The following ATP6V0A4 variants were observed in gnomAD, a reference collection of about 807,000 sequenced individuals.
ATP6V0A4 encodes ATPase H+ transporting V0 subunit a4.
ATP6V0A4 carries 86 observed loss-of-function variants against 107.3 expected under a neutral mutation model. That is an observed-to-expected ratio of 0.80 (90% CI 0.67 to 0.96). ATP6V0A4 has a LOEUF of 0.96. Ranked by LOEUF, ATP6V0A4 falls within the 40% of genes least tolerant of loss-of-function variation. The probability of loss-of-function intolerance (pLI) is 0.00; values close to 1 mark genes in which losing one functional copy is unlikely to be tolerated. For missense variants in ATP6V0A4, 908 were observed against 1,045.6 expected (o/e 0.87, Z 1.81); for synonymous variants, 353 against 381.4 (o/e 0.93, Z 0.87).
chr7:138,739,099 T>C (rs1478799327), intron 15 of ATP6V0A4, among the ~76,000 whole-genome samples: 1 of 152,204 alleles, frequency 6.6e-6, no homozygotes, highest in African/African-American at 2.4e-5. Flanking sequence ...TTAAAAAGCG[T>C]CAATTCTATG....
intron 2 of ATP6V0A4, among the ~76,000 whole-genome samples, chr7:138,772,578 C>T (rs1268456597): frequency 6.6e-6 from 1 of 152,158 alleles, no homozygotes; most frequent in African/African-American, 2.4e-5. Flanking sequence ...ACTCACACTC[C>T]TGAAAGGGGA....
intron 13 of ATP6V0A4, among the ~76,000 whole-genome samples, chr7:138,746,381 C>A (rs1314840227): frequency 6.6e-6 from 1 of 152,014 alleles, no homozygotes; most frequent in Non-Finnish European, 1.5e-5. Flanking sequence ...AAATGTTTAC[C>A]ATACAAAATC....
At chr7:138,737,950 C>T (rs1805431804) in intron 15 of ATP6V0A4, among the ~76,000 whole-genome samples, 2 of 151,758 alleles carry the variant, frequency 1.3e-5, no homozygotes, top group Admixed American at 1.3e-4. Flanking sequence ...TTAGTGGAGA[C>T]AAGGTTTCAC....
rs1380088566 is a variant in ATP6V0A4, at chr7:138,755,707, C to T, written c.798G>A (p.Arg266=). 1 of 1,613,942 alleles carries T rather than the reference C, an allele frequency of 6.2e-7. No homozygotes were observed. The highest frequency in any genetic ancestry group is 8.5e-7 in the Non-Finnish European group (1 of 1,180,036). Residue 266 remains arginine, a synonymous_variant, in exon 10 of 22, where the codon AGG becomes AGA. Transcript: ENST00000310018. Reference sequence around the variant, plus strand: ...CACTCACGGTGATTAAATCTTCCAGCCTCACATTGACGCTCTCCAACATCT... The same window carrying T: ...CACTCACGGTGATTAAATCTTCCAGTCTCACATTGACGCTCTCCAACATCT... The part of the protein sequence containing the change: ...RREMLESVNV[R]LEDLITVITQ...
intron 20 of ATP6V0A4, among the ~76,000 whole-genome samples, chr7:138,711,783 C>A (rs189976629): frequency 3.9e-5 from 6 of 152,234 alleles, no homozygotes; most frequent in African/African-American, 9.6e-5. Flanking sequence ...AACTCACATA[C>A]GCAGACTTTC....
intron 2 of ATP6V0A4, among the ~76,000 whole-genome samples, chr7:138,774,853 A>G (rs973675732): frequency 3.3e-4 from 50 of 152,236 alleles, no homozygotes; most frequent in Admixed American, 1.2e-3. Flanking sequence ...GAAATGCCCA[A>G]TGGCTGAAAT....
chr7:138,783,849 T>C (rs1013060564), intron 2 of ATP6V0A4, among the ~76,000 whole-genome samples: 1 of 152,202 alleles, frequency 6.6e-6, no homozygotes, highest in Non-Finnish European at 1.5e-5. Context: ...TGAGCTCAAT[T>C]TTTTTATGTG....
intron 19 of ATP6V0A4, among the ~76,000 whole-genome samples, chr7:138,717,715 C>T (rs2117198152): frequency 6.6e-6 from 1 of 151,988 alleles, no homozygotes; most frequent in South Asian, 2.1e-4. Context: ...TGAGACCAGC[C>T]TGGCCAACAT....
At position 138,754,316 on chromosome 7, in the gene ATP6V0A4, C is replaced by T. The variant is rs535647136; in HGVS notation, c.816+1373G>A. On this transcript the variant is annotated intron_variant, in intron 10 of 21. Coordinates refer to ENST00000310018, the MANE Select transcript of ATP6V0A4 (RefSeq NM_020632.3). ...ATACAAAATTAGCCAGGCATGGTGG[C>T]GCATGCCTGTAATCCCAGCTACTCG... Among the ~76,000 whole-genome samples, 81 of 151,820 alleles carry T rather than the reference C, an allele frequency of 5.3e-4. 2 individuals are homozygous for T. The highest frequency in any genetic ancestry group is 4.9e-3 in the Admixed American group (74 of 15,242).
intron 21 of ATP6V0A4, among the ~76,000 whole-genome samples, chr7:138,706,943 G>GA (rs1803403181): frequency 7.3e-6 from 1 of 137,052 alleles, no homozygotes; most frequent in South Asian, 2.4e-4. Flanking sequence ...ACCCAGGCTG[G>GA]AGTGCAGTGT....
At position 138,752,706 on chromosome 7, in the gene ATP6V0A4, G is replaced by T; in HGVS notation, c.948C>A (p.Val316=). The T allele has an allele frequency of 6.2e-7, 1 of 1,614,074 alleles. No homozygotes were observed. The highest frequency in any genetic ancestry group is 8.5e-7 in the Non-Finnish European group (1 of 1,179,974). ...YHILNMCNID[V]TQQCVIAEIW... ...TCTCGGCGATGACACACTGCTGGGT[G>T]ACGTCGATGTTGCACATGTTCAGGA... Residue 316 remains valine, a synonymous_variant, in exon 11 of 22, where the codon GTC becomes GTA. Transcript: ENST00000310018.
chr7:138,707,196 T>TATATTATATTA (rs1803446046), intron 21 of ATP6V0A4, among the ~76,000 whole-genome samples: 9 of 59,664 alleles, frequency 1.5e-4, no homozygotes, highest in Admixed American at 2.8e-4. Context: ...ATTATATATA[T>TATATTATATTA]TATATAATAT....
In ATP6V0A4 at chr7:138,745,005, T is replaced by C. The variant is rs557729461; in HGVS notation, c.1478+118A>G. ...GGCATGAGCCACTGAGCCTGGCCTATTTGAATTTTCAAGTGCACCTCTGAG... is the reference window on the plus strand; with the variant it reads ...GGCATGAGCCACTGAGCCTGGCCTACTTGAATTTTCAAGTGCACCTCTGAG... On this transcript the variant is annotated intron_variant, in intron 14 of 21. Coordinates refer to ENST00000310018, the MANE Select transcript of ATP6V0A4 (RefSeq NM_020632.3). 1,597 of 971,320 alleles carry C rather than the reference T, an allele frequency of 1.6e-3. 4 individuals carry two copies. The highest frequency in any genetic ancestry group is 2.4e-3 in the Non-Finnish European group (1,443 of 608,634). 60.2% of individuals were successfully genotyped at this position (971,320 alleles called of 1,614,324 possible). A position where few individuals can be genotyped will look rare whatever the true frequency, so the allele number is the denominator to read the frequency against.
chr7:138,778,043 T>C (rs1184152744), intron 2 of ATP6V0A4, among the ~76,000 whole-genome samples: 2 of 151,796 alleles, frequency 1.3e-5, no homozygotes, highest in East Asian at 1.9e-4. Flanking sequence ...AAGGGAAAAA[T>C]AAAATTACCT....
At chr7:138,753,594 C>A (rs1456726690) in intron 10 of ATP6V0A4, among the ~76,000 whole-genome samples, 1 of 152,168 alleles carries the variant, frequency 6.6e-6, no homozygotes, top group African/African-American at 2.4e-5. Context: ...TGGGCCCACA[C>A]AGAATTTATT....
chr7:138,769,402 C>G (rs1448544756), intron 3 of ATP6V0A4, 151 bp from the exon 4 acceptor site: 12 of 1,269,986 alleles, frequency 9.4e-6, no homozygotes, highest in Admixed American at 2.6e-5. Context: ...GTAACCTCCA[C>G]CTCCTGGGTT....
rs1461452015 is a variant in ATP6V0A4 at position 138,730,931 on chromosome 7, CTTTTTTTATTTT to C, written c.1908+1934_1908+1945del. On this transcript the variant is annotated intron_variant, in intron 17 of 21. Transcript: ENST00000310018. The stretch of plus-strand genomic sequence containing the variant: ...CAAGGCATTTTTTCTTCTTCTTCTT[CTTTTTTTATTTT>C]TTTTTTTGAGACAGAGTTTTGCTCT... Among the ~76,000 whole-genome samples the C allele has an allele frequency of 3.2e-5, 4 of 123,758 alleles. No individual in the cohort carries two copies. The East Asian group carries it at 7.6e-4, about 23-fold the overall frequency. 81.2% of individuals were successfully genotyped at this position (123,758 alleles called of 152,430 possible).
chr7:138,790,464 T>A (rs1253009730), intron 1 of ATP6V0A4, among the ~76,000 whole-genome samples: 1 of 152,098 alleles, frequency 6.6e-6, no homozygotes, highest in Non-Finnish European at 1.5e-5. Flanking sequence ...CTGGCTAATT[T>A]TTGTATTTTT....
chr7:138,783,114 T>C (rs1484900346), intron 2 of ATP6V0A4, among the ~76,000 whole-genome samples: 1 of 152,024 alleles, frequency 6.6e-6, no homozygotes, highest in East Asian at 1.9e-4. Context: ...CAGCTTTCTT[T>C]TAAAAACACC....
Sources: gnomAD v4.1 joint callset for allele counts (sites outside exome capture counted in the v4.1 genomes callset) on GRCh38, gnomAD v4.1.1 for gene constraint, MANE v1.5 for transcripts, NCBI Gene and HGNC (gene_info 2026-07-23, HGNC 2026-07-21) for gene names.